TMX4: variants seen among roughly 807,000 people sequenced by gnomAD.
TMX4 encodes thioredoxin-related transmembrane protein 4.
TMX4 carries 23 observed loss-of-function variants against 33.3 expected under a neutral mutation model. The observed-to-expected ratio is 0.69, with a 90% confidence interval of 0.50 to 0.98. The LOEUF is 0.98. Ranked by LOEUF, TMX4 falls within the 50% of genes least tolerant of loss-of-function variation. TMX4 has a pLI of 0.00. For synonymous variants in TMX4, 164 were observed against 161.5 expected, an observed-to-expected ratio of 1.02 and a Z score of -0.12; for missense variants, 399 against 448.9, an observed-to-expected ratio of 0.89 and a Z score of 1.01.
Position 7,982,134 on chromosome 20 carries a change from C to A in TMX4, c.*117G>T. 1 of 1,066,428 alleles carries A rather than the reference C, an allele frequency of 9.4e-7. No homozygotes were observed. The highest frequency in any genetic ancestry group is 1.6e-5 in the African/African-American group (1 of 62,602). 66.1% of individuals were successfully genotyped at this position (1,066,428 alleles called of 1,614,324 possible). A position where few individuals can be genotyped will look rare whatever the true frequency, so the allele number is the denominator to read the frequency against. ...GCCATGAGACCAAATGACTAGAGAG[C>A]ATCTTTTAAGAGAAGCTTGCTCATT... On this transcript the variant is annotated 3_prime_UTR_variant, in exon 8 of 8. Coordinates refer to ENST00000246024, the MANE Select transcript of TMX4 (RefSeq NM_021156.4).
Position 7,982,517 on chromosome 20 carries a change from C to A in TMX4, c.784G>T (p.Asp262Tyr). The A allele has an allele frequency of 6.2e-7, 1 of 1,613,890 alleles. No individual in the cohort carries two copies. Among genetic ancestry groups the A allele is most frequent in the Non-Finnish European group, 8.5e-7 (1 of 1,179,844 alleles). The part of the protein sequence containing the change: ...NEEENKDSLV[D>Y]DEEEKEDLGD... ...AGATCTTCTTTCTCTTCTTCATCAT[C>A]TACAAGGCTGTCTTTGTTTTCTTCT... The change falls in exon 8 of 8, where the codon GAT becomes TAT. Residue 262 changes from aspartate to tyrosine, a missense_variant. Physicochemically the swap from Asp to Tyr is radical, Grantham distance 160. Coordinates refer to ENST00000246024, the MANE Select transcript of TMX4 (RefSeq NM_021156.4).
At chr20:7,990,294 CAAA>C (rs11483773) in intron 5 of TMX4, among the ~76,000 whole-genome samples, 1 of 128,238 alleles carries the variant, frequency 7.8e-6, no homozygotes, top group Non-Finnish European at 1.7e-5. Flanking sequence ...GACTCTGCCT[CAAA>C]AAAAAAAAAA....
At chr20:8,000,350 G>C (rs1448050411) in intron 3 of TMX4, among the ~76,000 whole-genome samples, 1 of 152,038 alleles carries the variant, frequency 6.6e-6, no homozygotes, top group Non-Finnish European at 1.5e-5. Flanking sequence ...TAGGCTTGCT[G>C]TTTTCTCCTC....
chr20:7,989,108 C>G (rs1385142864), intron 5 of TMX4, among the ~76,000 whole-genome samples: 1 of 151,704 alleles, frequency 6.6e-6, no homozygotes, highest in Non-Finnish European at 1.5e-5. Context: ...TTCATTCAAA[C>G]TCTTTTCAAA....
At chr20:7,984,976 G>A (rs16994293) in intron 6 of TMX4, among the ~76,000 whole-genome samples, 2,075 of 152,128 alleles carry the variant, frequency 0.014, 54 homozygotes, top group East Asian at 0.065. Context: ...GGCATGCTAC[G>A]TAAATATTCT....
chr20:7,997,978 G>A (rs2050683975), intron 4 of TMX4, among the ~76,000 whole-genome samples: 2 of 151,944 alleles, frequency 1.3e-5, no homozygotes, highest in Non-Finnish European at 2.9e-5. Context: ...AACAGTGTGT[G>A]GCACCTCCAT....
intron 2 of TMX4, among the ~76,000 whole-genome samples, chr20:8,003,650 C>T (rs1026027728): frequency 2.0e-5 from 3 of 151,946 alleles, no homozygotes; most frequent in Non-Finnish European, 4.4e-5. Flanking sequence ...TCAGTGAGTA[C>T]CAAGAAAAAG....
intron 1 of TMX4, 162 bp downstream of exon 1, chr20:8,019,276 C>T: frequency 1.2e-6 from 1 of 829,896 alleles, no homozygotes; most frequent in Non-Finnish European, 1.7e-6. Context: ...AGTGCAGGAT[C>T]GCAAGCGGCC....
rs78420121 is a variant in TMX4, at chr20:8,009,625, C to T, written c.292+575G>A. On this transcript the variant is annotated intron_variant, in intron 2 of 7. Coordinates refer to ENST00000246024, the MANE Select transcript of TMX4 (RefSeq NM_021156.4). ...TTAGAAGTACTCTTGCCATAAATGT[C>T]TAAGCTAAATCATGCACCTAAACTC... Among the ~76,000 whole-genome samples, 1,467 of 152,162 alleles carry T rather than the reference C, an allele frequency of 9.6e-3. 47 individuals are homozygous for T. Among genetic ancestry groups the T allele is most frequent in the East Asian group, 0.065 (336 of 5,180 alleles).
intron 1 of TMX4, among the ~76,000 whole-genome samples, chr20:8,016,644 T>C (rs1438678415): frequency 6.6e-6 from 1 of 152,148 alleles, no homozygotes; most frequent in Non-Finnish European, 1.5e-5. Context: ...TTCTTAAGAA[T>C]AAATTATCTA....
chr20:8,011,884 C>T (rs2050754556), intron 1 of TMX4, among the ~76,000 whole-genome samples: 1 of 152,138 alleles, frequency 6.6e-6, no homozygotes, highest in Non-Finnish European at 1.5e-5. Context: ...AATCTGCTGA[C>T]ATCTTTGAAT....
Position 7,982,564 on chromosome 20 carries a change from T to C in TMX4, c.737A>G (p.Glu246Gly). The C allele has an allele frequency of 6.2e-7, 1 of 1,613,828 alleles. No homozygotes were observed. The change falls in exon 8 of 8, where the codon GAG becomes GGG. Residue 246 changes from glutamate to glycine, a missense_variant. Coordinates refer to ENST00000246024, the MANE Select transcript of TMX4 (RefSeq NM_021156.4). ...TTCTTCATTTGAATCATCTTTTTCCTCCTCCGCATCCTGCAACTGTTCAGC... is the reference window on the plus strand; with the variant it reads ...TTCTTCATTTGAATCATCTTTTTCCCCCTCCGCATCCTGCAACTGTTCAGC... ...HRAEQLQDAE[E>G]EKDDSNEEEN...
chr20:8,005,987 C>A (rs1476778346), intron 2 of TMX4, among the ~76,000 whole-genome samples: 1 of 149,972 alleles, frequency 6.7e-6, no homozygotes, highest in African/African-American at 2.4e-5. Flanking sequence ...AAGAAGCCCT[C>A]TGTCCCTGTG....
At chr20:7,991,907 T>C (rs2050656881) in intron 5 of TMX4, among the ~76,000 whole-genome samples, 1 of 137,298 alleles carries the variant, frequency 7.3e-6, no homozygotes, top group African/African-American at 3.0e-5. Context: ...AAGAGAAGGA[T>C]AGTGCCACTC....
Position 7,981,481 on chromosome 20 carries a change from C to T in TMX4, c.*770G>A, listed in dbSNP as rs1058007. 0.25 allele frequency: 38,652 copies of T among 151,924 alleles called. 9,242 individuals carry two copies. Among genetic ancestry groups the T allele is most frequent in the African/African-American group, 0.6 (24,994 of 41,420 alleles). 9.4% of individuals were successfully genotyped at this position (151,924 alleles called of 1,614,324 possible). A position where few individuals can be genotyped will look rare whatever the true frequency, so the allele number is the denominator to read the frequency against. ...TACTTCCTTTTGAGTCTCTGATGGC[C>T]ACAACATTTCATTTGAGATGTTTGG... On this transcript the variant is annotated 3_prime_UTR_variant, in exon 8 of 8. Coordinates refer to ENST00000246024, the MANE Select transcript of TMX4 (RefSeq NM_021156.4).
chr20:7,987,261 T>G lies in TMX4; in HGVS notation c.615+27A>C, dbSNP rs746241604. ...CATGAAATTCATTTTGCCTTAAAGA[T>G]AGAAAAAGTTTGGTATTATCTCTTA... On this transcript the variant is annotated intron_variant, in intron 6 of 7. Transcript: ENST00000246024. 2.1e-6 allele frequency: 3 copies of G among 1,425,918 alleles called. No homozygotes were observed. The African/African-American group carries it at 4.4e-5, about 21-fold the overall frequency. The allele number at this position is 1,425,918 out of a possible 1,614,324, so 88.3% of individuals were successfully genotyped here.
At chr20:8,001,849 A>G (rs6055453) in intron 2 of TMX4, among the ~76,000 whole-genome samples, 2 of 152,304 alleles carry the variant, frequency 1.3e-5, no homozygotes, top group African/African-American at 4.8e-5. Flanking sequence ...ACTTTAGATT[A>G]TTTAACCTTT....
At chr20:8,019,157 G>C in intron 1 of TMX4, 3 of 474,004 alleles carry the variant, frequency 6.3e-6, no homozygotes, top group Non-Finnish European at 1.1e-5. Flanking sequence ...CTGCACCCTC[G>C]GCTGTCACCG....
intron 5 of TMX4, among the ~76,000 whole-genome samples, chr20:7,995,446 T>C (rs748586914): frequency 6.6e-6 from 1 of 152,142 alleles, no homozygotes; most frequent in Non-Finnish European, 1.5e-5. Flanking sequence ...TCAGAGAAAT[T>C]ATACGATCAC....
Sources: gnomAD v4.1 joint callset for allele counts (sites outside exome capture counted in the v4.1 genomes callset) on GRCh38, gnomAD v4.1.1 for gene constraint, MANE v1.5 for transcripts, NCBI Gene and HGNC (gene_info 2026-07-23, HGNC 2026-07-21) for gene names.